The following DOCK7 variants were observed in gnomAD, a reference collection of about 807,000 sequenced individuals.
DOCK7 encodes the protein dedicator of cytokinesis protein 7.
A neutral mutation model predicts 271.0 loss-of-function variants in DOCK7; 138 were observed. The ratio of observed to expected loss-of-function variants is 0.51; its 90% CI spans 0.44 to 0.59. The LOEUF is 0.59. DOCK7 is among the 20% of genes least tolerant of loss of function. DOCK7 has a pLI of 0.00. For missense variants in DOCK7, 2,066 were observed against 2,592.4 expected, an observed-to-expected ratio of 0.80 and a Z score of 4.41; for synonymous variants, 823 against 876.1, an observed-to-expected ratio of 0.94 and a Z score of 1.07.
chr1:62,485,585 T>C (rs1423468955), intron 43 of DOCK7: 1 of 985,228 alleles, frequency 1.0e-6, no homozygotes. Flanking sequence ...TAGGAAACAT[T>C]GCTTTTAGAA....
At chr1:62,493,738 T>C (rs1160999288) in intron 40 of DOCK7, among the ~76,000 whole-genome samples, 1 of 152,226 alleles carries the variant, frequency 6.6e-6, no homozygotes, top group Non-Finnish European at 1.5e-5. Flanking sequence ...TTTTATAATA[T>C]CTCAAACCTA....
Position 62,688,239 on chromosome 1 carries a change from T to C in DOCK7, c.26A>G (p.Gln9Arg), listed in dbSNP as rs1662075355. MAERRAFA[Q>R]KISRTVAAEV... ...GCCGGATATTTACCTGCTGATCTTCTGGGCGAAGGCGCGGCGCTCGGCCAT... is the reference window on the plus strand; with the variant it reads ...GCCGGATATTTACCTGCTGATCTTCCGGGCGAAGGCGCGGCGCTCGGCCAT... Residue 9 changes from glutamine (Q) to arginine (R), a missense_variant, in exon 1 of 50, where the codon CAG becomes CGG. This residue lies in a region of DOCK7 where 1,414 missense variants were observed against 1,670.4 expected (regional missense o/e 0.85). Transcript: ENST00000635253. The C allele has an allele frequency of 7.3e-7, 1 of 1,373,722 alleles. No homozygotes were observed. Among genetic ancestry groups the C allele is most frequent in the Non-Finnish European group, 9.5e-7 (1 of 1,051,314 alleles). The allele number at this position is 1,373,722 out of a possible 1,614,324, so 85.1% of individuals were successfully genotyped here.
At chr1:62,604,720 G>A (rs754163855) in intron 14 of DOCK7, 1 of 1,613,238 alleles carries the variant, frequency 6.2e-7, no homozygotes, top group East Asian at 2.2e-5. Flanking sequence ...CCAGAGAGGA[G>A]AAGAGGATTA....
intron 14 of DOCK7, among the ~76,000 whole-genome samples, chr1:62,593,129 A>G (rs1648706117): frequency 6.6e-6 from 1 of 152,206 alleles, no homozygotes; most frequent in South Asian, 2.1e-4. Flanking sequence ...GCTATTATAC[A>G]TAACAAGATC....
At chr1:62,509,913 G>C (rs1202784069) in intron 34 of DOCK7, among the ~76,000 whole-genome samples, 1 of 152,166 alleles carries the variant, frequency 6.6e-6, no homozygotes, top group Non-Finnish European at 1.5e-5. Flanking sequence ...GACAATCAGT[G>C]CTATAACTGG....
chr1:62,563,614 A>C (rs1053207802), intron 18 of DOCK7, among the ~76,000 whole-genome samples: 6 of 152,128 alleles, frequency 3.9e-5, no homozygotes, highest in African/African-American at 1.2e-4. Context: ...AAACCAAATA[A>C]ATTCAAATCC....
chr1:62,673,990 T>G lies in DOCK7; in HGVS notation c.39-10860A>C, dbSNP rs868237114. ...TAGGGAGGGATGGATTAAAGGCATT[T>G]TGATTGGAAAGGAAGAAATAAAACT... On this transcript the variant is annotated intron_variant, in intron 1 of 49. Transcript: ENST00000635253. Among the ~76,000 whole-genome samples the G allele has an allele frequency of 2.9e-4, 44 of 151,890 alleles. No homozygotes were observed. In the Middle Eastern group the frequency reaches 0.014, roughly 47 times the overall value.
intron 38 of DOCK7, 85 bp from the exon 39 acceptor site, chr1:62,495,766 A>G: frequency 9.2e-7 from 1 of 1,092,340 alleles, no homozygotes; most frequent in Non-Finnish European, 1.3e-6. Flanking sequence ...ATTTCAGATA[A>G]ATATCTAAAG....
intron 14 of DOCK7, chr1:62,600,923 A>G (rs140964112): frequency 1.7e-6 from 1 of 580,906 alleles, no homozygotes; most frequent in Non-Finnish European, 3.1e-6. Context: ...GAGAACAGGT[A>G]ATCTGTACAA....
rs61224578 is a variant in DOCK7 at position 62,519,006 on chromosome 1, T to TACACACACACACAC, written c.3937-5122_3937-5109dup. The stretch of plus-strand genomic sequence containing the variant: ...TGAAAGGGATGAAAAAGTCATGCTA[T>TACACACACACACAC]ACACACACACACACACACACACACA... On this transcript the variant is annotated intron_variant, in intron 31 of 49. Coordinates refer to ENST00000635253, the MANE Select transcript of DOCK7 (RefSeq NM_001367561.1). Among the ~76,000 whole-genome samples, 734 of 148,216 alleles carry TACACACACACACAC rather than the reference T, an allele frequency of 5.0e-3. 3 individuals carry two copies. The highest frequency in any genetic ancestry group is 6.2e-3 in the African/African-American group (251 of 40,236).
chr1:62,479,850 AT>A, intron 43 of DOCK7: 1 of 178,762 alleles, frequency 5.6e-6, no homozygotes, highest in Admixed American at 5.5e-5. Context: ...CACCCAGCTA[AT>A]TTTTTGTACT....
At chr1:62,686,808 T>C (rs1382019805) in intron 1 of DOCK7, among the ~76,000 whole-genome samples, 1 of 150,890 alleles carries the variant, frequency 6.6e-6, no homozygotes, top group East Asian at 1.9e-4. Context: ...GGTCTGAGAG[T>C]AGAGCCCATG....
At chr1:62,684,033 A>G (rs534941460) in intron 1 of DOCK7, among the ~76,000 whole-genome samples, 13 of 152,308 alleles carry the variant, frequency 8.5e-5, no homozygotes, top group African/African-American at 3.1e-4. Context: ...TGAGGTCAGG[A>G]GTTCGAGACC....
At chr1:62,479,720 A>G (rs1163166617) in intron 43 of DOCK7, 1 of 383,428 alleles carries the variant, frequency 2.6e-6, no homozygotes. Flanking sequence ...GTCTCACTCC[A>G]TTACCCAGAC....
chr1:62,577,918 T>C (rs945225131), intron 17 of DOCK7, among the ~76,000 whole-genome samples: 1 of 151,896 alleles, frequency 6.6e-6, no homozygotes, highest in Non-Finnish European at 1.5e-5. Context: ...TCAACCATAG[T>C]AATTTTTTTT....
At chr1:62,535,721 T>C (rs1645324335) in intron 28 of DOCK7, 89 bp from the exon 29 acceptor site, 1 of 1,326,702 alleles carries the variant, frequency 7.5e-7, no homozygotes, top group South Asian at 1.8e-5. Flanking sequence ...AAATACTTTT[T>C]CCCAGGGTAG....
intron 20 of DOCK7, among the ~76,000 whole-genome samples, chr1:62,557,280 C>T (rs575206798): frequency 5.9e-5 from 9 of 151,642 alleles, no homozygotes; most frequent in African/African-American, 2.2e-4. Flanking sequence ...GTGCCCTCTC[C>T]TATGTAAGAG....
intron 24 of DOCK7, 75 bp from the exon 25 acceptor site, chr1:62,542,778 A>G: frequency 7.3e-7 from 1 of 1,377,650 alleles, no homozygotes; most frequent in Non-Finnish European, 1.0e-6. Flanking sequence ...TAATGCAAAT[A>G]CAAACGAAGA....
chr1:62,573,134 G>GA (rs1646837556), intron 18 of DOCK7, among the ~76,000 whole-genome samples: 3 of 152,136 alleles, frequency 2.0e-5, no homozygotes, highest in Non-Finnish European at 2.9e-5. Context: ...ATGCAGTGAA[G>GA]AAAGACTTCT....
Sources: gnomAD v4.1 joint callset for allele counts (sites outside exome capture counted in the v4.1 genomes callset) on GRCh38, gnomAD v4.1.1 for gene constraint, gnomAD v4.1.1 regional missense constraint, MANE v1.5 for transcripts, NCBI Gene and HGNC (gene_info 2026-07-23, HGNC 2026-07-21) for gene names.